LIPI: variants seen among roughly 807,000 people sequenced by gnomAD.
The protein encoded by LIPI is lipase member I.
A neutral mutation model predicts 50.6 loss-of-function variants in LIPI; 59 were observed. The ratio of observed to expected loss-of-function variants is 1.16; its 90% confidence interval spans 0.94 to 1.45. The LOEUF (loss-of-function observed/expected upper bound fraction) is 1.45, where lower values mean the gene tolerates loss of function less well. Among genes scored for constraint, LIPI ranks in the 40% most tolerant of loss-of-function variants. The pLI is 0.00. For missense variants in LIPI, 586 were observed against 536.3 expected, an observed-to-expected ratio of 1.09 and a Z score of -0.92; for synonymous variants, 203 against 178.2, an observed-to-expected ratio of 1.14 and a Z score of -1.11.
At chr21:14,111,120 A>T (rs148479335) in intron 9 of LIPI, among the ~76,000 whole-genome samples, 132 of 151,902 alleles carry the variant, frequency 8.7e-4, no homozygotes, top group African/African-American at 3.1e-3. Flanking sequence ...GGATTGCTGA[A>T]TCATATATTA....
intron 3 of LIPI, 61 bp from the exon 4 acceptor site, chr21:14,181,920 A>G: frequency 2.4e-6 from 2 of 849,278 alleles, no homozygotes; most frequent in African/African-American, 1.7e-5. Flanking sequence ...TACATTGCAT[A>G]CTTCCATTAT....
intron 9 of LIPI, among the ~76,000 whole-genome samples, chr21:14,110,313 T>C (rs2016351903): frequency 6.6e-6 from 1 of 151,432 alleles, no homozygotes; most frequent in South Asian, 2.1e-4. Flanking sequence ...TTGCCATTAA[T>C]ATAGAGGCCC....
chr21:14,197,919 C>G (rs398173), intron 1 of LIPI, among the ~76,000 whole-genome samples: 21,117 of 152,076 alleles, frequency 0.14, 1,929 homozygotes, highest in South Asian at 0.21. Flanking sequence ...AACAGAGCAC[C>G]TTTCAGCTGA....
chr21:14,115,952 G>A (rs1259788989), intron 9 of LIPI, among the ~76,000 whole-genome samples: 1 of 152,130 alleles, frequency 6.6e-6, no homozygotes, highest in Non-Finnish European at 1.5e-5. Flanking sequence ...AGTGGCAAGT[G>A]CAGCAAGGTA....
At chr21:14,111,831 C>G (rs2016426185) in intron 9 of LIPI, among the ~76,000 whole-genome samples, 1 of 145,178 alleles carries the variant, frequency 6.9e-6, no homozygotes, top group Non-Finnish European at 1.5e-5. Context: ...TTTTCCAACA[C>G]CATTTATTTT....
chr21:14,144,635 G>A lies in LIPI; in HGVS notation c.1283C>T (p.Thr428Ile). 6.5e-7 allele frequency: 1 copy of A among 1,538,042 alleles called. No homozygotes were observed. The highest frequency in any genetic ancestry group is 9.0e-7 in the Non-Finnish European group (1 of 1,113,754). The change falls in exon 9 of 10, where the codon ACA (threonine) becomes ATA (isoleucine). Residue 428 changes from threonine to isoleucine, a missense_variant. Physicochemically the swap from Thr to Ile is moderately conservative, Grantham distance 89 (BLOSUM62 -1). Coordinates refer to ENST00000681601, the MANE Select transcript of LIPI (RefSeq NM_001302998.2). ...KIQSLMLKSL[T>I]YPERPPLCRY... Reference sequence around the variant, plus strand: ...TTAATTTTCTTACCTTTCTGGGTATGTAAGTGATTTTAACATGAGACTCTG... The same window carrying A: ...TTAATTTTCTTACCTTTCTGGGTATATAAGTGATTTTAACATGAGACTCTG...
rs1260947568 is a variant in LIPI, at chr21:14,186,009, T to TA, written c.492_493insT (p.Ser165Ter). 6.2e-7 allele frequency: 1 copy of TA among 1,605,742 alleles called. No individual in the cohort carries two copies. The highest frequency in any genetic ancestry group is 1.7e-5 in the Admixed American group (1 of 60,000). On this transcript the variant is annotated frameshift_variant, in exon 3 of 10. Transcript: ENST00000681601. LOFTEE classifies it high-confidence loss of function. ...TGAAATATCTTTCCAACAAATCCAC[T>TA]GATATGAGCCCCTAAGCTCACACCT...
chr21:14,189,418 A>T lies in LIPI; in HGVS notation c.48T>A (p.Asp16Glu). The T allele has an allele frequency of 1.2e-6, 2 of 1,612,046 alleles. No homozygotes were observed. The highest frequency in any genetic ancestry group is 1.7e-6 in the Non-Finnish European group (2 of 1,178,394). The change falls in exon 2 of 10, where the codon GAT becomes GAA. Residue 16 changes from aspartate (D) to glutamate (E), a missense_variant and splice_region_variant. Asp to Glu is a conservative substitution (Grantham distance 45). Transcript: ENST00000681601. Reference protein sequence around the residue: ...FLCLMCWVRSDNKRPCLEFSQ... With the variant: ...FLCLMCWVRSENKRPCLEFSQ... The stretch of plus-strand genomic sequence containing the variant: ...AGAATTCAAGGCATGGTCTTTTATT[A>T]TCTGAAATAAGAAAATGTCAGTCAA...
chr21:14,111,214 A>G (rs1368846417), intron 9 of LIPI, among the ~76,000 whole-genome samples: 1 of 151,870 alleles, frequency 6.6e-6, no homozygotes, highest in East Asian at 1.9e-4. Flanking sequence ...GTAGTTATCA[A>G]CCATTCCCTT....
intron 9 of LIPI, among the ~76,000 whole-genome samples, chr21:14,114,804 A>T (rs1445763296): frequency 2.6e-5 from 4 of 152,224 alleles, no homozygotes; most frequent in African/African-American, 4.8e-5. Context: ...GTATGAAGAA[A>T]ATTACAGCAT....
intron 8 of LIPI, among the ~76,000 whole-genome samples, chr21:14,149,699 A>C (rs925828379): frequency 2.0e-5 from 3 of 152,240 alleles, no homozygotes; most frequent in African/African-American, 4.8e-5. Flanking sequence ...AAGGGGCTAC[A>C]GGCCCCATCC....
intron 1 of LIPI, among the ~76,000 whole-genome samples, chr21:14,191,976 G>A (rs1028459447): frequency 6.6e-6 from 1 of 152,180 alleles, no homozygotes; most frequent in African/African-American, 2.4e-5. Context: ...GACATGAATT[G>A]AACCAAGAAA....
In LIPI at chr21:14,197,155, T is replaced by C. The variant is rs111835384; in HGVS notation, c.47-7736A>G. Among the ~76,000 whole-genome samples the C allele has an allele frequency of 2.1e-3, 318 of 151,726 alleles. 1 individual carries two copies. Among genetic ancestry groups the C allele is most frequent in the African/African-American group, 7.1e-3 (294 of 41,480 alleles). On this transcript the variant is annotated intron_variant, in intron 1 of 9. Coordinates refer to ENST00000681601, the MANE Select transcript of LIPI (RefSeq NM_001302998.2). Reference sequence around the variant, plus strand: ...AGCATAAGAACAAAAAAATAATTTATACTATTTTAAATATAAGTTAAAATA... The same window carrying C: ...AGCATAAGAACAAAAAAATAATTTACACTATTTTAAATATAAGTTAAAATA...
intron 7 of LIPI, among the ~76,000 whole-genome samples, chr21:14,154,482 G>A (rs1448076993): frequency 6.6e-6 from 1 of 151,924 alleles, no homozygotes; most frequent in Non-Finnish European, 1.5e-5. Context: ...GGAGTTGAAG[G>A]AGGGAATAAG....
At chr21:14,146,848 G>A (rs1485242807) in intron 8 of LIPI, among the ~76,000 whole-genome samples, 2 of 125,792 alleles carry the variant, frequency 1.6e-5, no homozygotes, top group Non-Finnish European at 3.1e-5. Context: ...GTGCAATCTC[G>A]GCTCACTGAA....
At chr21:14,142,133 G>A (rs2017733275) in intron 9 of LIPI, among the ~76,000 whole-genome samples, 1 of 152,028 alleles carries the variant, frequency 6.6e-6, no homozygotes, top group South Asian at 2.1e-4. Context: ...TATGTTTAGT[G>A]GAGGCTTTGC....
Position 14,189,350 on chromosome 21 carries a change from G to A in LIPI, c.116C>T (p.Pro39Leu), listed in dbSNP as rs762157175. 24 of 1,611,084 alleles carry A rather than the reference G, an allele frequency of 1.5e-5. No homozygotes were observed. The highest frequency in any genetic ancestry group is 6.7e-5 in the African/African-American group (5 of 74,890). The change falls in exon 2 of 10, where the codon CCG becomes CTG. Residue 39 changes from proline to leucine, a missense_variant. Coordinates refer to ENST00000681601, the MANE Select transcript of LIPI (RefSeq NM_001302998.2). ...CATCATCAGAATGGTCTCTATTCTC[G>A]GAATAAATAAATCTCTGAAGGAATC... is the stretch of plus-strand genomic sequence containing the variant. ...VKDSFRDLFIPRIETILMMYT... is the reference protein window; with the variant it reads ...VKDSFRDLFILRIETILMMYT...
intron 1 of LIPI, among the ~76,000 whole-genome samples, chr21:14,210,229 A>G (rs1052061744): frequency 1.3e-5 from 2 of 151,050 alleles, no homozygotes; most frequent in African/African-American, 4.8e-5. Context: ...TAAAGTAGAA[A>G]ACGATACTCT....
In LIPI at chr21:14,193,028, A is replaced by C. The variant is rs188175922; in HGVS notation, c.47-3609T>G. 6.6e-5 allele frequency among the ~76,000 whole-genome samples: 10 copies of C among 152,372 alleles called. No homozygotes were observed. The East Asian group carries it at 1.9e-3, about 29-fold the overall frequency. ...ACAGGACTTAAAAGACAAATGAATA[A>C]AAATAATTATGAATGCATGTTAATG... is the stretch of plus-strand genomic sequence containing the variant. On this transcript the variant is annotated intron_variant, in intron 1 of 9. Transcript: ENST00000681601.
Sources: gnomAD v4.1 joint callset for allele counts (sites outside exome capture counted in the v4.1 genomes callset) on GRCh38, gnomAD v4.1.1 for gene constraint, MANE v1.5 for transcripts, NCBI Gene and HGNC (gene_info 2026-07-23, HGNC 2026-07-21) for gene names.